Variants in SLC25A30 observed in about 807,000 individuals in gnomAD.
SLC25A30 encodes the protein kidney mitochondrial carrier protein 1.
SLC25A30 carries 29 observed loss-of-function variants against 42.7 expected under a neutral mutation model. That is an observed-to-expected ratio of 0.68 (90% CI 0.51 to 0.93). The LOEUF is 0.93. SLC25A30 is among the 40% of genes least tolerant of loss of function. SLC25A30 has a pLI of 0.00. For synonymous variants in SLC25A30, 124 were observed against 131.0 expected, an observed-to-expected ratio of 0.95 and a Z score of 0.37; for missense variants, 300 against 359.7, an observed-to-expected ratio of 0.83 and a Z score of 1.34.
the SLC25A30 span, among the ~76,000 whole-genome samples, chr13:45,425,496 G>GCA: frequency 9.7e-6 from 1 of 103,596 alleles, no homozygotes; most frequent in South Asian, 2.6e-4. Context: ...ATATATATAA[G>GCA]TATATAGAAA....
the SLC25A30 span, among the ~76,000 whole-genome samples, chr13:45,424,752 T>C: frequency 2.8e-4 from 16 of 57,960 alleles, 3 homozygotes; most frequent in Non-Finnish European, 4.7e-4. Context: ...TTATATCTAT[T>C]TATATAAATA....
the SLC25A30 span, among the ~76,000 whole-genome samples, chr13:45,425,013 A>AGTATAT: frequency 4.8e-4 from 7 of 14,576 alleles, no homozygotes; most frequent in African/African-American, 2.2e-3. Flanking sequence ...AATATATATA[A>AGTATAT]ATATACATAT....
chr13:45,406,491 A>G (rs1364397310), intron 3 of SLC25A30, among the ~76,000 whole-genome samples: 1 of 152,236 alleles, frequency 6.6e-6, no homozygotes, highest in Non-Finnish European at 1.5e-5. Flanking sequence ...TGAAAATGTA[A>G]GTGAAGAAGT....
Position 45,395,613 on chromosome 13 carries a change from T to TG in SLC25A30, c.*360_*361insC, listed in dbSNP as rs1881246678. On this transcript the variant is annotated 3_prime_UTR_variant, in exon 10 of 10. Transcript: ENST00000519676. ...AGTGAGCTTTTCTAGAGCAGTCTGATTCTCAGTCATGAGCTGAGATGCATC... is the reference window on the plus strand; with the variant it reads ...AGTGAGCTTTTCTAGAGCAGTCTGATGTCTCAGTCATGAGCTGAGATGCATC... 1 of 1,134,184 alleles carries TG rather than the reference T, an allele frequency of 8.8e-7. No individual in the cohort carries two copies. Among genetic ancestry groups the TG allele is most frequent in the African/African-American group, 2.1e-5 (1 of 48,202 alleles). 70.3% of individuals were successfully genotyped at this position (1,134,184 alleles called of 1,614,324 possible).
At chr13:45,431,999 G>A in the SLC25A30 span, among the ~76,000 whole-genome samples, 1 of 152,092 alleles carries the variant, frequency 6.6e-6, no homozygotes, top group Admixed American at 6.6e-5. Flanking sequence ...GCCGGGTGCA[G>A]TGGCTCATAC....
chr13:45,396,470 C>A, intron 9 of SLC25A30: 1 of 512,104 alleles, frequency 2.0e-6, no homozygotes, highest in Non-Finnish European at 2.6e-6. Flanking sequence ...TCACTCTGCC[C>A]TTCAGTGTCT....
At chr13:45,423,766 A>ATAAATATATG in the SLC25A30 span, among the ~76,000 whole-genome samples, 4 of 81,078 alleles carry the variant, frequency 4.9e-5, 1 homozygote, top group South Asian at 7.9e-4. Context: ...ATAAATATAT[A>ATAAATATATG]AAAATATATA....
At chr13:45,423,633 T>A in the SLC25A30 span, among the ~76,000 whole-genome samples, 2 of 104,704 alleles carry the variant, frequency 1.9e-5, no homozygotes, top group Middle Eastern at 4.4e-3. Context: ...TATATATAAA[T>A]ATATATAAAA....
Position 45,393,542 on chromosome 13 carries a change from A to T in SLC25A30, c.*2432T>A. ...TAAGCATCAATGATTACACAAATCC[A>T]TAAGCACACAAACAAAAAAACCCAT... On this transcript the variant is annotated 3_prime_UTR_variant, in exon 10 of 10. Transcript: ENST00000519676. 1.0e-6 allele frequency: 1 copy of T among 985,476 alleles called. No individual in the cohort carries two copies. The highest frequency in any genetic ancestry group is 1.2e-6 in the Non-Finnish European group (1 of 829,940). The allele number at this position is 985,476 out of a possible 1,614,324, so 61.0% of individuals were successfully genotyped here.
At chr13:45,406,951 C>T (rs1882566913) in intron 3 of SLC25A30, among the ~76,000 whole-genome samples, 1 of 152,174 alleles carries the variant, frequency 6.6e-6, no homozygotes, top group African/African-American at 2.4e-5. Flanking sequence ...CTCACCTACT[C>T]CCAAGGCTTC....
the SLC25A30 span, among the ~76,000 whole-genome samples, chr13:45,425,842 G>T: frequency 1.4e-5 from 2 of 145,624 alleles, no homozygotes; most frequent in Non-Finnish European, 3.0e-5. Flanking sequence ...ACAGGTGCCC[G>T]CCAGCATGCC....
chr13:45,394,809 T>G lies in SLC25A30; in HGVS notation c.*1165A>C, dbSNP rs1334414274. On this transcript the variant is annotated 3_prime_UTR_variant, in exon 10 of 10. Coordinates refer to ENST00000519676, the MANE Select transcript of SLC25A30 (RefSeq NM_001010875.4). ...TAAATAGATGCACTAAAGAAATCAT[T>G]TTTAAAATTTCAAGCAGGTATTTTC... 1 of 985,200 alleles carries G rather than the reference T, an allele frequency of 1.0e-6. No individual in the cohort carries two copies. The highest frequency in any genetic ancestry group is 1.7e-5 in the African/African-American group (1 of 57,214). 61.0% of individuals were successfully genotyped at this position (985,200 alleles called of 1,614,324 possible).
the SLC25A30 span, among the ~76,000 whole-genome samples, chr13:45,424,831 T>TATATACATATATATAAATATATATAAAA: frequency 1.9e-5 from 1 of 53,678 alleles, no homozygotes; most frequent in African/African-American, 8.0e-5. Context: ...TATAAAAATA[T>TATATACATATATATAAATATATATAAAA]ATATATAAAA....
Position 45,395,158 on chromosome 13 carries a change from A to G in SLC25A30, c.*816T>C. The G allele has an allele frequency of 2.0e-6, 2 of 985,204 alleles. No individual in the cohort carries two copies. The highest frequency in any genetic ancestry group is 2.4e-6 in the Non-Finnish European group (2 of 829,696). 61.0% of individuals were successfully genotyped at this position (985,204 alleles called of 1,614,324 possible). A position where few individuals can be genotyped will look rare whatever the true frequency, so the allele number is the denominator to read the frequency against. On this transcript the variant is annotated 3_prime_UTR_variant, in exon 10 of 10. Transcript: ENST00000519676. ...TCTTCATTTGACCCTCTACATCAAT[A>G]GACGTTATTATCCCCATTTTACTCA...
intron 7 of SLC25A30, 62 bp downstream of exon 7, chr13:45,401,021 T>G: frequency 7.1e-7 from 1 of 1,413,688 alleles, no homozygotes; most frequent in Non-Finnish European, 9.6e-7. Flanking sequence ...AAGAATATAA[T>G]ACTTTTATAA....
intron 5 of SLC25A30, chr13:45,402,943 A>T (rs1485565021): frequency 3.0e-6 from 1 of 334,310 alleles, no homozygotes; most frequent in Admixed American, 6.5e-5. Flanking sequence ...ACATAAAAAG[A>T]ATGTTTGATG....
the SLC25A30 span, among the ~76,000 whole-genome samples, chr13:45,424,158 T>C: frequency 1.0e-5 from 1 of 99,234 alleles, no homozygotes; most frequent in Non-Finnish European, 1.7e-5. Context: ...AGTATATATA[T>C]AGAAATATAT....
chr13:45,421,631 G>C (rs1174376902), upstream of SLC25A30, among the ~76,000 whole-genome samples: 2 of 152,124 alleles, frequency 1.3e-5, no homozygotes, highest in African/African-American at 4.8e-5. Flanking sequence ...CTCTGGCCTT[G>C]AGTTAATTAA....
chr13:45,405,614 T>A (rs930529692), intron 4 of SLC25A30, among the ~76,000 whole-genome samples: 1 of 152,234 alleles, frequency 6.6e-6, no homozygotes, highest in African/African-American at 2.4e-5. Flanking sequence ...GATGGAATAG[T>A]AACAACACAT....
Sources: allele counts gnomAD v4.1 joint callset (sites outside exome capture counted in the v4.1 genomes callset), GRCh38; gene constraint gnomAD v4.1.1; transcripts MANE v1.5; gene names NCBI Gene and HGNC (gene_info 2026-07-23, HGNC 2026-07-21).